KLF8: variants seen among roughly 807,000 people sequenced by gnomAD.
KLF8 encodes Krueppel-like factor 8.
In KLF8, 10 loss-of-function variants were observed where a neutral mutation model predicts 18.2. The ratio of observed to expected loss-of-function variants is 0.55; its 90% CI spans 0.34 to 0.93. KLF8 has a LOEUF of 0.93. KLF8 is among the 40% of genes least tolerant of loss of function. The pLI is 0.02. For missense variants in KLF8, 264 were observed against 277.9 expected, an observed-to-expected ratio of 0.95 and a Z score of 0.36; for synonymous variants, 109 against 97.3, an observed-to-expected ratio of 1.12 and a Z score of -0.71.
At chrX:56,091,960 G>C in the KLF8 span, among the ~76,000 whole-genome samples, 1 of 104,182 alleles carries the variant, frequency 9.6e-6, no homozygotes, top group Non-Finnish European at 1.9e-5. Context: ...TTTTCTCCAC[G>C]TCCTCACCAA....
At chrX:56,062,500 T>A in the KLF8 span, among the ~76,000 whole-genome samples, 2 of 111,983 alleles carry the variant, frequency 1.8e-5, no homozygotes, top group Non-Finnish European at 3.8e-5. Flanking sequence ...TTAAGAGTGT[T>A]AAATATTGGC....
the KLF8 span, among the ~76,000 whole-genome samples, chrX:56,152,643 G>T: frequency 1.8e-5 from 2 of 111,379 alleles, no homozygotes; most frequent in Non-Finnish European, 3.8e-5. Flanking sequence ...TGAAACTTGG[G>T]TGGGGGTGAA....
chrX:56,196,058 G>T, the KLF8 span, among the ~76,000 whole-genome samples: 2 of 111,494 alleles, frequency 1.8e-5, no homozygotes, highest in Non-Finnish European at 3.8e-5. Context: ...CACCAGGACT[G>T]CCTTCAAGAG....
At chrX:55,908,792 A>T in the KLF8 span, 1 of 266,479 alleles carries the variant, frequency 3.8e-6, no homozygotes, top group Admixed American at 6.4e-5. Flanking sequence ...GGAGGCGCAG[A>T]ATCCGAAAGT....
At chrX:56,149,041 T>C in the KLF8 span, among the ~76,000 whole-genome samples, 2 of 111,983 alleles carry the variant, frequency 1.8e-5, no homozygotes, top group South Asian at 7.4e-4. Context: ...AGGCTGTGGG[T>C]AAATGAAAAT....
chrX:56,166,856 T>G, the KLF8 span, among the ~76,000 whole-genome samples: 1 of 111,448 alleles, frequency 9.0e-6, no homozygotes, highest in South Asian at 3.7e-4. Flanking sequence ...ACTATAGAGG[T>G]GCTCCAGATG....
chrX:56,254,465 CT>C (rs1485810706), intron 2 of KLF8, among the ~76,000 whole-genome samples: 1 of 112,066 alleles, frequency 8.9e-6, no homozygotes, highest in Non-Finnish European at 1.9e-5. Flanking sequence ...ACCCTTTTAG[CT>C]TTGCTGTTTG....
chrX:56,100,156 C>A, the KLF8 span, among the ~76,000 whole-genome samples: 1 of 111,091 alleles, frequency 9.0e-6, no homozygotes, highest in Non-Finnish European at 1.9e-5. Flanking sequence ...TTCCGAGAAC[C>A]CAAGGGCTCT....
chrX:56,202,732 T>C, the KLF8 span, among the ~76,000 whole-genome samples: 1 of 111,070 alleles, frequency 9.0e-6, no homozygotes, highest in Non-Finnish European at 1.9e-5. Flanking sequence ...TCCAGTTCCA[T>C]GCATATTGTT....
At chrX:56,084,927 C>T in the KLF8 span, among the ~76,000 whole-genome samples, 12 of 112,042 alleles carry the variant, frequency 1.1e-4, no homozygotes, top group African/African-American at 3.9e-4. Context: ...TGGCCAATGG[C>T]CAGTCATTAC....
At chrX:56,031,578 C>T in the KLF8 span, among the ~76,000 whole-genome samples, 4 of 111,776 alleles carry the variant, frequency 3.6e-5, no homozygotes, top group African/African-American at 6.5e-5. Flanking sequence ...ATTGCCTACC[C>T]GGGAGCGCTC....
chrX:56,079,977 CT>C, the KLF8 span, among the ~76,000 whole-genome samples: 2 of 110,667 alleles, frequency 1.8e-5, no homozygotes, highest in African/African-American at 3.3e-5. Flanking sequence ...CAACCCCTGC[CT>C]TTTTTTGTTT....
At chrX:56,141,138 T>A in the KLF8 span, among the ~76,000 whole-genome samples, 118 of 111,560 alleles carry the variant, frequency 1.1e-3, no homozygotes, top group African/African-American at 3.6e-3. Flanking sequence ...TAATTTTTTT[T>A]ATATTTTTAG....
chrX:56,154,184 C>G, the KLF8 span, among the ~76,000 whole-genome samples: 1 of 110,022 alleles, frequency 9.1e-6, no homozygotes, highest in African/African-American at 3.4e-5. Context: ...TCAAACTATA[C>G]TACAAGGCTA....
At chrX:55,922,656 G>A in the KLF8 span, among the ~76,000 whole-genome samples, 11 of 112,441 alleles carry the variant, frequency 9.8e-5, no homozygotes, top group African/African-American at 3.6e-4. Context: ...ATTAAAAAAT[G>A]GGCAAAGGCC....
chrX:55,938,361 G>A, the KLF8 span, among the ~76,000 whole-genome samples: 146 of 111,398 alleles, frequency 1.3e-3, no homozygotes, highest in African/African-American at 4.6e-3. Context: ...CCCTAAAAGA[G>A]CTCCTGAAGG....
chrX:56,275,144 TCTTTC>T (rs2067105069), intron 5 of KLF8, among the ~76,000 whole-genome samples: 1 of 111,739 alleles, frequency 8.9e-6, no homozygotes, highest in Admixed American at 9.5e-5. Flanking sequence ...ACACGGAATA[TCTTTC>T]CTTTCGTTTC....
chrX:55,925,012 C>A, the KLF8 span, among the ~76,000 whole-genome samples: 1 of 100,092 alleles, frequency 1.0e-5, no homozygotes, highest in East Asian at 3.0e-4. Flanking sequence ...TCTGCCACCA[C>A]GCCCAGCTAA....
At chrX:56,265,824 A>G (rs5960671) in intron 3 of KLF8, 80 bp downstream of exon 3, 130,933 of 1,109,743 alleles carry the variant, frequency 0.12, 6,070 homozygotes, top group Non-Finnish European at 0.14. Context: ...GTCTCTTTTC[A>G]CTTCCTCCAA....
Sources: allele counts gnomAD v4.1 joint callset (sites outside exome capture counted in the v4.1 genomes callset), GRCh38; gene constraint gnomAD v4.1.1; transcripts MANE v1.5; gene names NCBI Gene and HGNC (gene_info 2026-07-23, HGNC 2026-07-21).